Variants in PLPPR1 observed in about 807,000 individuals in gnomAD.
The protein encoded by PLPPR1 is phospholipid phosphatase-related protein type 1.
PLPPR1 carries 10 observed loss-of-function variants against 33.1 expected under a neutral mutation model. The observed-to-expected ratio is 0.30, with a 90% confidence interval of 0.19 to 0.51. PLPPR1 has a LOEUF of 0.51. Ranked by LOEUF, PLPPR1 falls within the 20% of genes least tolerant of loss-of-function variation. PLPPR1 has a pLI of 0.97. For missense variants in PLPPR1, 304 were observed against 408.1 expected (o/e 0.74, Z 2.20); for synonymous variants, 151 against 151.0 (o/e 1.00, Z 0.00).
At chr9:101,127,996 T>C (rs777638034) in intron 1 of PLPPR1, among the ~76,000 whole-genome samples, 5 of 152,190 alleles carry the variant, frequency 3.3e-5, no homozygotes, top group Non-Finnish European at 5.9e-5. Flanking sequence ...TAGGTGATAC[T>C]GGGCTGAGGT....
chr9:101,151,023 A>AT (rs1216655572), intron 1 of PLPPR1, among the ~76,000 whole-genome samples: 1 of 152,218 alleles, frequency 6.6e-6, no homozygotes, highest in African/African-American at 2.4e-5. Context: ...ATTTAAATGA[A>AT]TTTTTTCCTG....
intron 2 of PLPPR1, among the ~76,000 whole-genome samples, chr9:101,231,368 T>G (rs1024638131): frequency 5.9e-5 from 9 of 151,778 alleles, no homozygotes; most frequent in Non-Finnish European, 8.8e-5. Flanking sequence ...GTTTGTTTTT[T>G]TTTTTTTTAG....
intron 1 of PLPPR1, among the ~76,000 whole-genome samples, chr9:101,114,677 C>T (rs1257207939): frequency 6.6e-6 from 1 of 152,128 alleles, no homozygotes; most frequent in African/African-American, 2.4e-5. Context: ...GGGTAAGCAA[C>T]AGTGGAAAAG....
intron 1 of PLPPR1, among the ~76,000 whole-genome samples, chr9:101,141,529 A>T (rs1224938279): frequency 6.6e-6 from 1 of 152,216 alleles, no homozygotes; most frequent in East Asian, 1.9e-4. Context: ...GTAAAACTCA[A>T]GTTCTTAACA....
intron 2 of PLPPR1, among the ~76,000 whole-genome samples, chr9:101,198,157 A>G (rs755195103): frequency 1.1e-4 from 16 of 152,178 alleles, no homozygotes; most frequent in Non-Finnish European, 2.1e-4. Flanking sequence ...ATACTTGTGT[A>G]TGTAGCTCTG....
chr9:101,049,472 T>C lies in PLPPR1; in HGVS notation c.-46+20370T>C, dbSNP rs913762394. 5.3e-5 allele frequency among the ~76,000 whole-genome samples: 8 copies of C among 152,348 alleles called. No homozygotes were observed. The South Asian group carries it at 1.7e-3, about 32-fold the overall frequency. On this transcript the variant is annotated intron_variant, in intron 1 of 7. Coordinates refer to ENST00000374874, the MANE Select transcript of PLPPR1 (RefSeq NM_207299.2). ...TTGGCAGCTGGAAAAATAATTATAG[T>C]GGCTTAAAAGTACATACTTCATGTT... is the stretch of plus-strand genomic sequence containing the variant.
At chr9:101,046,963 T>C (rs1830158889) in intron 1 of PLPPR1, among the ~76,000 whole-genome samples, 1 of 152,102 alleles carries the variant, frequency 6.6e-6, no homozygotes, top group South Asian at 2.1e-4. Flanking sequence ...TTGATCTCAC[T>C]AGATTGGGGG....
At chr9:101,050,124 GA>G (rs35688096) in intron 1 of PLPPR1, among the ~76,000 whole-genome samples, 405 of 35,196 alleles carry the variant, frequency 0.012, 2 homozygotes, top group Admixed American at 0.034. Flanking sequence ...CTCCAACTCA[GA>G]AAAAAAAAAA....
At chr9:101,076,749 T>G (rs1167969228) in intron 1 of PLPPR1, among the ~76,000 whole-genome samples, 1 of 152,226 alleles carries the variant, frequency 6.6e-6, no homozygotes, top group Non-Finnish European at 1.5e-5. Flanking sequence ...GGATATCAGC[T>G]CATTTTTGGT....
rs1328958381 is a variant in PLPPR1 at position 101,284,715 on chromosome 9, T to G, written c.253-1389T>G. Among the ~76,000 whole-genome samples, 5 of 152,328 alleles carry G rather than the reference T, an allele frequency of 3.3e-5. No homozygotes were observed. The South Asian group carries it at 8.3e-4, about 25-fold the overall frequency. ...TTTTGAAATTTTATACTTTTTAATTTCTGTTATCCATGTGCCTTTCATTAT... is the reference window on the plus strand; with the variant it reads ...TTTTGAAATTTTATACTTTTTAATTGCTGTTATCCATGTGCCTTTCATTAT... On this transcript the variant is annotated intron_variant, in intron 3 of 7. Coordinates refer to ENST00000374874, the MANE Select transcript of PLPPR1 (RefSeq NM_207299.2).
chr9:101,262,568 A>G (rs1277477647), intron 2 of PLPPR1, among the ~76,000 whole-genome samples: 4 of 152,242 alleles, frequency 2.6e-5, no homozygotes, highest in African/African-American at 9.6e-5. Flanking sequence ...AGTATAAATT[A>G]GTTCAACCAT....
At chr9:101,214,414 A>G (rs1564177737) in intron 2 of PLPPR1, among the ~76,000 whole-genome samples, 3 of 152,218 alleles carry the variant, frequency 2.0e-5, no homozygotes, top group South Asian at 4.2e-4. Flanking sequence ...GTGTAGATAT[A>G]TACACATGCA....
At chr9:101,317,843 A>T (rs1259809101) in intron 7 of PLPPR1, among the ~76,000 whole-genome samples, 3 of 152,224 alleles carry the variant, frequency 2.0e-5, no homozygotes, top group Non-Finnish European at 4.4e-5. Context: ...CATATTTGGA[A>T]AGAAAAAGGT....
At chr9:101,214,144 G>A (rs901175321) in intron 2 of PLPPR1, among the ~76,000 whole-genome samples, 13 of 152,204 alleles carry the variant, frequency 8.5e-5, no homozygotes. Context: ...TGCTATCACT[G>A]AAGGACTGAA....
intron 2 of PLPPR1, among the ~76,000 whole-genome samples, chr9:101,260,990 G>A (rs1345935068): frequency 6.6e-6 from 1 of 152,118 alleles, no homozygotes; most frequent in African/African-American, 2.4e-5. Flanking sequence ...GCACTGAAAA[G>A]GAAGAGCAAA....
chr9:101,108,749 G>A (rs1571449), intron 1 of PLPPR1, among the ~76,000 whole-genome samples: 57,112 of 152,022 alleles, frequency 0.38, 11,023 homozygotes, highest in Non-Finnish European at 0.43. Context: ...AAACAATTAA[G>A]CTACATCTTT....
intron 1 of PLPPR1, among the ~76,000 whole-genome samples, chr9:101,180,159 CACATACACACACACACAG>C (rs1826083149): frequency 7.7e-6 from 1 of 129,552 alleles, no homozygotes; most frequent in Non-Finnish European, 1.7e-5. Context: ...CACACACACA[CACATACACACACACACAG>C]ACACACACAT....
chr9:101,267,816 T>G (rs972611568), intron 2 of PLPPR1, among the ~76,000 whole-genome samples: 1 of 152,184 alleles, frequency 6.6e-6, no homozygotes, highest in African/African-American at 2.4e-5. Context: ...CCTTCCAATT[T>G]CTCCTCTTTT....
At chr9:101,318,815 C>T (rs916199331) in intron 7 of PLPPR1, among the ~76,000 whole-genome samples, 1 of 151,870 alleles carries the variant, frequency 6.6e-6, no homozygotes, top group Non-Finnish European at 1.5e-5. Context: ...ACACTGAAGA[C>T]AGTGATGTTA....
Sources: allele counts gnomAD v4.1 joint callset (sites outside exome capture counted in the v4.1 genomes callset), GRCh38; gene constraint gnomAD v4.1.1; transcripts MANE v1.5; gene names NCBI Gene and HGNC (gene_info 2026-07-23, HGNC 2026-07-21).